Variants in COL5A2 observed in about 807,000 individuals in gnomAD.
COL5A2 encodes collagen alpha-2(V) chain.
A neutral mutation model predicts 208.2 loss-of-function variants in COL5A2; 23 were observed. The observed-to-expected ratio is 0.11, with a 90% confidence interval of 0.08 to 0.16. The LOEUF is 0.16. COL5A2 is among the 10% of genes least tolerant of loss of function. The pLI, the probability that COL5A2 is intolerant of heterozygous loss-of-function variation, is 1.00. For missense variants in COL5A2, 1,590 were observed against 1,956.4 expected (o/e 0.81, Z 3.53); for synonymous variants, 625 against 628.5 (o/e 0.99, Z 0.08).
chr2:189,042,879 TAA>T, intron 48 of COL5A2, 106 bp from the exon 49 acceptor site: 1 of 1,091,106 alleles, frequency 9.2e-7, no homozygotes, highest in East Asian at 2.6e-5. Flanking sequence ...ACTACTTTGA[TAA>T]AGTCACCAAT....
chr2:189,085,353 A>G, intron 10 of COL5A2, 140 bp from the exon 11 acceptor site: 1 of 855,966 alleles, frequency 1.2e-6, no homozygotes, highest in Non-Finnish European at 1.9e-6. Flanking sequence ...GTTGAGACAG[A>G]GAAAATAGTT....
intron 1 of COL5A2, among the ~76,000 whole-genome samples, chr2:189,127,884 AG>A (rs1260589818): frequency 6.6e-6 from 1 of 152,036 alleles, no homozygotes; most frequent in African/African-American, 2.4e-5. Context: ...CATTTATATA[AG>A]GCTATGATCA....
chr2:189,316,693 A>G, the COL5A2 span, among the ~76,000 whole-genome samples: 197 of 151,942 alleles, frequency 1.3e-3, 1 homozygote, highest in African/African-American at 3.8e-3. Flanking sequence ...CCCCCATGAC[A>G]CAAGTTCACC....
chr2:189,300,574 T>C, the COL5A2 span, among the ~76,000 whole-genome samples: 1 of 152,216 alleles, frequency 6.6e-6, no homozygotes. Flanking sequence ...AAGAATAAGA[T>C]GACAATCTTC....
the COL5A2 span, among the ~76,000 whole-genome samples, chr2:189,357,772 A>AAAC: frequency 3.3e-5 from 5 of 150,966 alleles, no homozygotes; most frequent in Non-Finnish European, 7.4e-5. Context: ...TGAAAAAAAA[A>AAAC]AAAAAAAACT....
the COL5A2 span, among the ~76,000 whole-genome samples, chr2:189,258,263 A>G: frequency 6.6e-6 from 1 of 152,216 alleles, no homozygotes; most frequent in South Asian, 2.1e-4. Flanking sequence ...CAAAAGTATG[A>G]GTCCAGATAA....
chr2:189,086,455 TCTTA>T (rs1428267408), intron 9 of COL5A2, among the ~76,000 whole-genome samples: 1 of 152,216 alleles, frequency 6.6e-6, no homozygotes, highest in African/African-American at 2.4e-5. Context: ...ATAATGAATT[TCTTA>T]CTTCAGATGC....
chr2:189,072,765 C>CAAAAAAAAAAAA (rs58636533), intron 17 of COL5A2, among the ~76,000 whole-genome samples: 8 of 67,528 alleles, frequency 1.2e-4, no homozygotes, highest in East Asian at 4.0e-4. Context: ...ACTCCATCTC[C>CAAAAAAAAAAAA]AAAAAAAAAA....
At chr2:189,098,599 C>A in intron 5 of COL5A2, 128 bp downstream of exon 5, 1 of 778,720 alleles carries the variant, frequency 1.3e-6, no homozygotes, top group Non-Finnish European at 2.2e-6. Context: ...TGGTTTAAGA[C>A]AAAATGTTTT....
At chr2:189,100,806 G>A (rs1687032761) in intron 3 of COL5A2, among the ~76,000 whole-genome samples, 1 of 151,778 alleles carries the variant, frequency 6.6e-6, no homozygotes, top group Admixed American at 6.6e-5. Flanking sequence ...AAGTAAATAG[G>A]GTCAGGTCAA....
At chr2:189,040,636 A>T (rs1164994077) in intron 50 of COL5A2, among the ~76,000 whole-genome samples, 2 of 151,602 alleles carry the variant, frequency 1.3e-5, no homozygotes, top group Non-Finnish European at 2.9e-5. Context: ...ATGTTTCCTC[A>T]CTCTCAAAGG....
At chr2:189,222,423 A>G (rs965381809) in intron 1 of COL5A2, among the ~76,000 whole-genome samples, 1 of 152,208 alleles carries the variant, frequency 6.6e-6, no homozygotes, top group Non-Finnish European at 1.5e-5. Flanking sequence ...TATTTAATGA[A>G]TAAATATGTT....
intron 1 of COL5A2, among the ~76,000 whole-genome samples, chr2:189,152,949 G>T (rs986700783): frequency 6.6e-6 from 1 of 152,144 alleles, no homozygotes; most frequent in African/African-American, 2.4e-5. Flanking sequence ...TTAAAAAAAA[G>T]TTGGGGGAAA....
the COL5A2 span, among the ~76,000 whole-genome samples, chr2:189,264,589 T>C: frequency 6.6e-6 from 1 of 152,052 alleles, no homozygotes. Flanking sequence ...AGAATGGTGG[T>C]TAACTCTAGA....
intron 1 of COL5A2, among the ~76,000 whole-genome samples, chr2:189,176,192 G>C (rs911277176): frequency 6.6e-6 from 1 of 152,178 alleles, no homozygotes; most frequent in African/African-American, 2.4e-5. Flanking sequence ...AAGTTAGCTT[G>C]GGTCCAGGAG....
the COL5A2 span, among the ~76,000 whole-genome samples, chr2:189,418,424 A>C: frequency 6.6e-6 from 1 of 152,150 alleles, no homozygotes; most frequent in Non-Finnish European, 1.5e-5. Context: ...GTCTTTTCTA[A>C]CTCAGTGACC....
At chr2:189,369,053 T>C in the COL5A2 span, among the ~76,000 whole-genome samples, 1 of 152,298 alleles carries the variant, frequency 6.6e-6, no homozygotes, top group South Asian at 2.1e-4. Context: ...ATAATAACAC[T>C]AAATGTTTGT....
chr2:189,325,947 A>G, the COL5A2 span, among the ~76,000 whole-genome samples: 5 of 152,046 alleles, frequency 3.3e-5, no homozygotes, highest in Non-Finnish European at 5.9e-5. Flanking sequence ...AAATACAAAA[A>G]TTAGTCCGGC....
At chr2:189,310,147 A>T in the COL5A2 span, among the ~76,000 whole-genome samples, 21 of 152,230 alleles carry the variant, frequency 1.4e-4, no homozygotes, top group Admixed American at 9.8e-4. Context: ...ATGATTTTTT[A>T]AAATATGTAT....
Sources: allele counts gnomAD v4.1 joint callset (sites outside exome capture counted in the v4.1 genomes callset), GRCh38; gene constraint gnomAD v4.1.1; transcripts MANE v1.5; gene names NCBI Gene and HGNC (gene_info 2026-07-23, HGNC 2026-07-21).